SCFD2: variants seen among roughly 807,000 people sequenced by gnomAD.
SCFD2 encodes sec1 family domain containing 2.
A neutral mutation model predicts 58.9 loss-of-function variants in SCFD2; 54 were observed. That is an observed-to-expected ratio of 0.92 (90% confidence interval 0.74 to 1.15). The LOEUF is 1.15. Ranked by LOEUF, SCFD2 falls within the 50% of genes most tolerant of loss-of-function variation. The probability of loss-of-function intolerance (pLI) is 0.00; values close to 1 mark genes in which losing one functional copy is unlikely to be tolerated. For missense variants in SCFD2, 805 were observed against 836.6 expected (o/e 0.96, Z 0.47); for synonymous variants, 321 against 335.9 (o/e 0.96, Z 0.49).
intron 5 of SCFD2, among the ~76,000 whole-genome samples, chr4:53,086,678 T>C (rs1053974645): frequency 1.3e-5 from 2 of 152,142 alleles, no homozygotes; most frequent in Admixed American, 1.3e-4. Context: ...GGCAAATATA[T>C]ACAATGGAGA....
intron 2 of SCFD2, among the ~76,000 whole-genome samples, chr4:53,322,761 T>C (rs186776675): frequency 2.7e-3 from 419 of 152,372 alleles, no homozygotes; most frequent in Non-Finnish European, 5.0e-3. Flanking sequence ...CTAAAGGATA[T>C]ACTTTGAGTT....
chr4:53,054,055 G>A (rs1473122034), intron 5 of SCFD2, among the ~76,000 whole-genome samples: 1 of 152,008 alleles, frequency 6.6e-6, no homozygotes, highest in African/African-American at 2.4e-5. Context: ...GCTGTATATT[G>A]GTATCCATTC....
rs573686870 is a variant in SCFD2, at chr4:53,311,780, T to A, written c.1135+1856A>T. ...CCTCCTGAGTAGGTGGGACTACAGG[T>A]GCGCGCCACCACACCCAGCTAATTT... is the stretch of plus-strand genomic sequence containing the variant. On this transcript the variant is annotated intron_variant, in intron 3 of 8. Transcript: ENST00000401642. 4.6e-5 allele frequency among the ~76,000 whole-genome samples: 7 copies of A among 151,928 alleles called. No individual in the cohort carries two copies. In the South Asian group the frequency reaches 1.3e-3, roughly 27 times the overall value.
intron 4 of SCFD2, among the ~76,000 whole-genome samples, chr4:53,238,166 G>A (rs1729730848): frequency 7.0e-6 from 1 of 142,228 alleles, no homozygotes; most frequent in South Asian, 2.3e-4. Context: ...CGGGGTGGCT[G>A]GCCGGGCGGG....
intron 8 of SCFD2, among the ~76,000 whole-genome samples, chr4:52,876,756 GAAAA>G (rs761229349): frequency 4.2e-4 from 23 of 54,396 alleles, no homozygotes; most frequent in African/African-American, 1.2e-3. Flanking sequence ...TCTCTGTCTC[GAAAA>G]AAAAAAAAAA....
intron 2 of SCFD2, among the ~76,000 whole-genome samples, chr4:53,325,866 A>G (rs1312865697): frequency 6.6e-6 from 1 of 152,184 alleles, no homozygotes; most frequent in Non-Finnish European, 1.5e-5. Context: ...TAGGATACTA[A>G]AGGGACATAA....
At chr4:53,309,647 T>G (rs1732629130) in intron 3 of SCFD2, among the ~76,000 whole-genome samples, 1 of 152,136 alleles carries the variant, frequency 6.6e-6, no homozygotes, top group East Asian at 1.9e-4. Flanking sequence ...AAGACAGGGT[T>G]ATCAGAAGGG....
rs568914630 is a variant in SCFD2 at position 52,873,848 on chromosome 4, GA to G, written c.*120del. On this transcript the variant is annotated 3_prime_UTR_variant, in exon 9 of 9. Transcript: ENST00000401642. ...AGTAGGTATCAAGACCCTTCAGGCA[GA>G]ATTCCATCATTCTCGCAATTAGTGA... The G allele has an allele frequency of 6.1e-5, 42 of 684,776 alleles. No homozygotes were observed. In the African/African-American group the frequency reaches 7.0e-4, roughly 11 times the overall value. 42.4% of individuals were successfully genotyped at this position (684,776 alleles called of 1,614,324 possible). A position where few individuals can be genotyped will look rare whatever the true frequency, so the allele number is the denominator to read the frequency against.
At chr4:53,330,526 T>C (rs1046083881) in intron 2 of SCFD2, among the ~76,000 whole-genome samples, 7 of 151,770 alleles carry the variant, frequency 4.6e-5, no homozygotes, top group Non-Finnish European at 1.0e-4. Context: ...AATAAAATAC[T>C]TTACAGACAA....
At chr4:53,345,528 A>C (rs1424685394) in intron 2 of SCFD2, among the ~76,000 whole-genome samples, 11 of 152,210 alleles carry the variant, frequency 7.2e-5, no homozygotes, top group Admixed American at 7.2e-4. Flanking sequence ...CCATTGTGGA[A>C]GACAGTGTGG....
intron 4 of SCFD2, among the ~76,000 whole-genome samples, chr4:53,213,832 T>G (rs1728708274): frequency 6.6e-6 from 1 of 152,032 alleles, no homozygotes; most frequent in African/African-American, 2.4e-5. Context: ...CAGGCCCTGG[T>G]GTGTGATGTT....
chr4:53,344,257 G>A (rs1196531436), intron 2 of SCFD2, among the ~76,000 whole-genome samples: 2 of 152,076 alleles, frequency 1.3e-5, no homozygotes, highest in African/African-American at 2.4e-5. Flanking sequence ...AAAGTCTCAG[G>A]ATACAAAATC....
intron 4 of SCFD2, chr4:53,273,562 A>T: frequency 3.7e-6 from 1 of 273,970 alleles, no homozygotes; most frequent in Non-Finnish European, 6.8e-6. Context: ...AAATTGAAAG[A>T]GGTGTCCAGA....
chr4:53,363,140 T>C (rs1286134993), intron 1 of SCFD2, among the ~76,000 whole-genome samples: 17 of 147,096 alleles, frequency 1.2e-4, no homozygotes, highest in Non-Finnish European at 2.6e-4. Context: ...TTTTTTCTTT[T>C]TTTTTTCTTT....
intron 5 of SCFD2, among the ~76,000 whole-genome samples, chr4:53,043,690 A>G (rs2148826046): frequency 1.3e-5 from 2 of 152,302 alleles, no homozygotes; most frequent in South Asian, 4.2e-4. Flanking sequence ...TACTACAAGA[A>G]AAGACTTTGT....
chr4:53,351,438 C>T (rs1209245790), intron 2 of SCFD2, among the ~76,000 whole-genome samples: 1 of 152,170 alleles, frequency 6.6e-6, no homozygotes, highest in Admixed American at 6.5e-5. Context: ...TTAATCTTAA[C>T]TTCATATCAT....
At chr4:52,979,760 A>G (rs1721333424) in intron 5 of SCFD2, among the ~76,000 whole-genome samples, 1 of 152,168 alleles carries the variant, frequency 6.6e-6, no homozygotes, top group Non-Finnish European at 1.5e-5. Context: ...GCAGTTAGAG[A>G]CACATATCCA....
At chr4:53,023,162 G>A (rs1372668329) in intron 5 of SCFD2, among the ~76,000 whole-genome samples, 1 of 152,116 alleles carries the variant, frequency 6.6e-6, no homozygotes, top group Non-Finnish European at 1.5e-5. Flanking sequence ...AGACTCCAGG[G>A]AGGAAAAGTC....
At chr4:52,941,487 G>T (rs143654524) in intron 5 of SCFD2, among the ~76,000 whole-genome samples, 1 of 152,210 alleles carries the variant, frequency 6.6e-6, no homozygotes, top group Non-Finnish European at 1.5e-5. Context: ...AAGCTGAGAT[G>T]CTCCCTTGGT....
Sources: allele counts gnomAD v4.1 joint callset (sites outside exome capture counted in the v4.1 genomes callset), GRCh38; gene constraint gnomAD v4.1.1; transcripts MANE v1.5; gene names NCBI Gene and HGNC (gene_info 2026-07-23, HGNC 2026-07-21).